Variants in SAMD12 observed in about 807,000 individuals in gnomAD.
The protein encoded by SAMD12 is sterile alpha motif domain containing 12.
Under a neutral mutation model 15.0 loss-of-function variants are expected in SAMD12, and 9 were observed. The ratio of observed to expected loss-of-function variants is 0.60; its 90% CI spans 0.36 to 1.05. SAMD12 has a LOEUF of 1.05. Among genes scored for constraint, SAMD12 ranks in the 50% least tolerant of loss-of-function variants. SAMD12 has a pLI of 0.01. For synonymous variants in SAMD12, 86 were observed against 90.1 expected, an observed-to-expected ratio of 0.96 and a Z score of 0.25; for missense variants, 230 against 234.2, an observed-to-expected ratio of 0.98 and a Z score of 0.12.
At chr8:118,586,635 G>A (rs1430813167) in intron 1 of SAMD12, among the ~76,000 whole-genome samples, 1 of 152,020 alleles carries the variant, frequency 6.6e-6, no homozygotes. Context: ...CAGCTACATT[G>A]CCCAGCCACC....
chr8:118,180,706 G>A, the SAMD12 span, among the ~76,000 whole-genome samples: 2 of 151,502 alleles, frequency 1.3e-5, no homozygotes, highest in African/African-American at 4.8e-5. Flanking sequence ...CCGAGTAGCT[G>A]GGATTACTGG....
intron 4 of SAMD12, among the ~76,000 whole-genome samples, chr8:118,335,236 A>G (rs1235789110): frequency 2.0e-5 from 3 of 152,138 alleles, no homozygotes; most frequent in Non-Finnish European, 4.4e-5. Context: ...AATGCTCCCA[A>G]TGTGGCTCAT....
chr8:118,179,253 C>T, the SAMD12 span, among the ~76,000 whole-genome samples: 1 of 152,124 alleles, frequency 6.6e-6, no homozygotes, highest in East Asian at 1.9e-4. Flanking sequence ...GCCTGACCAA[C>T]ATGGAGAAAT....
At chr8:118,282,197 TCAGA>T (rs1270996427) in intron 4 of SAMD12, 4 of 433,792 alleles carry the variant, frequency 9.2e-6, no homozygotes, top group African/African-American at 2.1e-5. Flanking sequence ...TTTCTTTTCT[TCAGA>T]GGGGAAATCT....
At chr8:118,552,081 C>T (rs1208431157) in intron 2 of SAMD12, among the ~76,000 whole-genome samples, 11 of 152,160 alleles carry the variant, frequency 7.2e-5, no homozygotes, top group Admixed American at 2.0e-4. Context: ...GATTCACAGC[C>T]GAATTCTACC....
chr8:118,377,131 T>C (rs1819428938), downstream of SAMD12, among the ~76,000 whole-genome samples: 1 of 152,170 alleles, frequency 6.6e-6, no homozygotes, highest in South Asian at 2.1e-4. Flanking sequence ...AAGAACCGGC[T>C]CACGCCTGTA....
intron 4 of SAMD12, among the ~76,000 whole-genome samples, chr8:118,227,993 C>A (rs1382403288): frequency 6.6e-6 from 1 of 152,164 alleles, no homozygotes; most frequent in African/African-American, 2.4e-5. Flanking sequence ...TGCTTATAGG[C>A]AACTGATCTT....
intron 4 of SAMD12, among the ~76,000 whole-genome samples, chr8:118,340,852 A>G (rs1030609050): frequency 6.6e-5 from 10 of 152,200 alleles, no homozygotes; most frequent in African/African-American, 1.7e-4. Context: ...CCAAATTCCT[A>G]TAGGAGCCAG....
chr8:118,617,716 C>T (rs1274419612), intron 1 of SAMD12, among the ~76,000 whole-genome samples: 2 of 152,068 alleles, frequency 1.3e-5, no homozygotes, highest in African/African-American at 4.8e-5. Context: ...AAAAATCCTT[C>T]TCTAGCTCTG....
intron 3 of SAMD12, among the ~76,000 whole-genome samples, chr8:118,415,528 T>A (rs532467556): frequency 6.7e-6 from 1 of 149,754 alleles, no homozygotes; most frequent in Non-Finnish European, 1.5e-5. Context: ...ATTCTAAAAA[T>A]GACATGAAGG....
chr8:118,331,798 C>G (rs1346741471), intron 4 of SAMD12, among the ~76,000 whole-genome samples: 1 of 152,114 alleles, frequency 6.6e-6, no homozygotes, highest in Non-Finnish European at 1.5e-5. Flanking sequence ...TAAACTAGAA[C>G]AACAAAAACT....
chr8:118,347,981 G>A (rs1002513738), intron 4 of SAMD12, among the ~76,000 whole-genome samples: 2 of 152,208 alleles, frequency 1.3e-5, no homozygotes, highest in African/African-American at 2.4e-5. Context: ...TGTATAGCAA[G>A]CTCCTTAACC....
At chr8:118,134,854 T>G in the SAMD12 span, among the ~76,000 whole-genome samples, 1 of 152,212 alleles carries the variant, frequency 6.6e-6, no homozygotes, top group African/African-American at 2.4e-5. Context: ...CCTCACTCAT[T>G]GTCACTCTCT....
At chr8:118,579,567 C>A (rs748517925) in intron 2 of SAMD12, among the ~76,000 whole-genome samples, 2 of 152,114 alleles carry the variant, frequency 1.3e-5, no homozygotes, top group Non-Finnish European at 2.9e-5. Context: ...GAAGCAATAA[C>A]AGTAATTATT....
intron 2 of SAMD12, among the ~76,000 whole-genome samples, chr8:118,463,676 C>T (rs746196905): frequency 2.6e-5 from 4 of 152,076 alleles, no homozygotes; most frequent in Non-Finnish European, 5.9e-5. Context: ...CGGAAAAAAC[C>T]CAGGTGGCAA....
intron 1 of SAMD12, among the ~76,000 whole-genome samples, chr8:118,619,583 T>C (rs1044815075): frequency 1.3e-5 from 2 of 152,088 alleles, no homozygotes; most frequent in African/African-American, 2.4e-5. Flanking sequence ...ATAGAACCAG[T>C]TACAAAACCT....
chr8:118,208,316 G>A (rs1272844980), intron 4 of SAMD12, among the ~76,000 whole-genome samples: 1 of 152,180 alleles, frequency 6.6e-6, no homozygotes. Context: ...CCTTACAACA[G>A]TGATGACATT....
intron 3 of SAMD12, among the ~76,000 whole-genome samples, chr8:118,398,150 C>A (rs1032754602): frequency 5.3e-5 from 8 of 152,088 alleles, no homozygotes; most frequent in African/African-American, 1.9e-4. Context: ...GCCTATAATA[C>A]CAGCACTTTG....
intron 2 of SAMD12, among the ~76,000 whole-genome samples, chr8:118,469,780 C>T (rs1047123303): frequency 2.7e-5 from 4 of 150,364 alleles, no homozygotes; most frequent in Non-Finnish European, 2.9e-5. Flanking sequence ...CCAGACTGGA[C>T]TCAATCTCCT....
Sources: allele counts gnomAD v4.1 joint callset (sites outside exome capture counted in the v4.1 genomes callset), GRCh38; gene constraint gnomAD v4.1.1; transcripts MANE v1.5; gene names NCBI Gene and HGNC (gene_info 2026-07-23, HGNC 2026-07-21).